Variants in PRELID3A observed in about 807,000 individuals in gnomAD.
The protein encoded by PRELID3A is PRELI domain containing 3A, also known as PRELI domain containing protein 3A.
Under a neutral mutation model 23.0 loss-of-function variants are expected in PRELID3A, and 27 were observed. That is an observed-to-expected ratio of 1.17 (90% CI 0.87 to 1.62). The LOEUF (loss-of-function observed/expected upper bound fraction) is 1.62, where lower values mean the gene tolerates loss of function less well. PRELID3A is among the 40% of genes most tolerant of loss of function. The pLI is 0.00. For synonymous variants in PRELID3A, 87 were observed against 86.4 expected (o/e 1.01, Z -0.04); for missense variants, 231 against 231.4 (o/e 1.00, Z 0.01).
intron 1 of PRELID3A, chr18:12,419,962 G>T (rs539791850): frequency 3.3e-5 from 9 of 270,514 alleles, no homozygotes; most frequent in Non-Finnish European, 5.4e-5. Context: ...GGTGGCACAC[G>T]CCTGTAGTCC....
chr18:12,420,575 C>T, intron 2 of PRELID3A, 82 bp downstream of exon 2: 2 of 1,353,574 alleles, frequency 1.5e-6, no homozygotes, highest in Non-Finnish European at 9.7e-7. Context: ...CCCTCCTCCC[C>T]TCATCAGTGC....
Position 12,429,449 on chromosome 18 carries a change from T to A in PRELID3A, c.*33+13T>A. The A allele has an allele frequency of 6.5e-7, 1 of 1,546,084 alleles. No homozygotes were observed. Among genetic ancestry groups the A allele is most frequent in the Non-Finnish European group, 8.9e-7 (1 of 1,119,214 alleles). Reference sequence around the variant, plus strand: ...GTCATAAATGGTGGTGAGTACAGTATTCACTCACCTGGGGGGGTACTTGCA... The same window carrying A: ...GTCATAAATGGTGGTGAGTACAGTAATCACTCACCTGGGGGGGTACTTGCA... On this transcript the variant is annotated intron_variant, in intron 6 of 6. Transcript: ENST00000440960.
chr18:12,417,222 G>A (rs2029989136), intron 1 of PRELID3A, among the ~76,000 whole-genome samples: 1 of 152,068 alleles, frequency 6.6e-6, no homozygotes, highest in Non-Finnish European at 1.5e-5. Context: ...TGCTCAGACT[G>A]GAGTGCAGTG....
chr18:12,421,018 C>T (rs554413014), intron 2 of PRELID3A, among the ~76,000 whole-genome samples: 3 of 152,318 alleles, frequency 2.0e-5, no homozygotes, highest in Non-Finnish European at 2.9e-5. Flanking sequence ...TGGTTCAGCC[C>T]CCCGTGGCCT....
At chr18:12,430,737 ATGTGTGTGG>A (rs1383679351) in intron 6 of PRELID3A, among the ~76,000 whole-genome samples, 1 of 126,996 alleles carries the variant, frequency 7.9e-6, no homozygotes, top group African/African-American at 3.0e-5. Flanking sequence ...TGTAATGTGT[ATGTGTGTGG>A]TGTGTGTGCA....
At chr18:12,418,767 G>C (rs575887594) in intron 1 of PRELID3A, among the ~76,000 whole-genome samples, 42 of 152,332 alleles carry the variant, frequency 2.8e-4, no homozygotes, top group African/African-American at 9.9e-4. Flanking sequence ...GTCCATGCTG[G>C]ACAGGTGTGG....
At chr18:12,419,961 C>G (rs1007354246) in intron 1 of PRELID3A, 1 of 270,410 alleles carries the variant, frequency 3.7e-6, no homozygotes, top group African/African-American at 2.2e-5. Context: ...TGGTGGCACA[C>G]GCCTGTAGTC....
At chr18:12,420,526 G>A (rs943330318) in intron 2 of PRELID3A, 33 bp downstream of exon 2, 19 of 1,480,578 alleles carry the variant, frequency 1.3e-5, no homozygotes, top group Non-Finnish European at 1.7e-5. Context: ...CTCCGAACGC[G>A]CCCGACTCCC....
intron 3 of PRELID3A, among the ~76,000 whole-genome samples, chr18:12,425,991 C>T (rs1417640768): frequency 6.6e-6 from 1 of 152,020 alleles, no homozygotes; most frequent in Non-Finnish European, 1.5e-5. Context: ...AATCCCAACA[C>T]TTTGGGAGGG....
intron 2 of PRELID3A, among the ~76,000 whole-genome samples, chr18:12,420,981 C>T (rs1308301946): frequency 6.6e-6 from 1 of 152,158 alleles, no homozygotes; most frequent in Non-Finnish European, 1.5e-5. Context: ...CAGCCGCATC[C>T]TAGGGCACCG....
chr18:12,420,791 C>T (rs2030151587), intron 2 of PRELID3A, among the ~76,000 whole-genome samples: 1 of 20,942 alleles, frequency 4.8e-5, no homozygotes, highest in East Asian at 9.6e-4. Flanking sequence ...GATCGGGGGT[C>T]ACGGGGTGGG....
chr18:12,411,408 G>C (rs978331528), intron 1 of PRELID3A, among the ~76,000 whole-genome samples: 2 of 147,232 alleles, frequency 1.4e-5, no homozygotes, highest in Non-Finnish European at 3.0e-5. Flanking sequence ...AGAACTTGCA[G>C]TGAGCCGAGA....
At chr18:12,418,138 G>A (rs2030023252) in intron 1 of PRELID3A, among the ~76,000 whole-genome samples, 2 of 152,144 alleles carry the variant, frequency 1.3e-5, no homozygotes, top group South Asian at 4.1e-4. Context: ...AAAAACTTCA[G>A]TATCCTCATA....
intron 2 of PRELID3A, chr18:12,421,329 C>G: frequency 3.5e-6 from 2 of 569,700 alleles, no homozygotes; most frequent in Non-Finnish European, 6.2e-6. Context: ...CTGCTGCACG[C>G]TCCACTCTGT....
Position 12,420,497 on chromosome 18 carries a change from A to G in PRELID3A, c.201+4A>G. The G allele has an allele frequency of 6.5e-7, 1 of 1,528,592 alleles. No homozygotes were observed. Among genetic ancestry groups the G allele is most frequent in the South Asian group, 1.2e-5 (1 of 82,114 alleles). 94.7% of individuals were successfully genotyped at this position (1,528,592 alleles called of 1,614,324 possible). ...GCTGCCCAGCCTCGTGAGAGCGGTG[A>G]GCGGGGCGGGGGCTGCGGCTCCGAA... On this transcript the variant is annotated splice_donor_region_variant and intron_variant, in intron 2 of 6. Transcript: ENST00000440960.
chr18:12,421,615 C>G lies in PRELID3A; in HGVS notation c.277C>G (p.Leu93Val). The part of the protein sequence containing the change: ...VVDPVEKKME[L>V]CSTNITLTNL... The stretch of plus-strand genomic sequence containing the variant: ...GGATCCAGTGGAAAAGAAAATGGAA[C>G]TTTGTTCTACCAATGTAAGCAATGG... Residue 93 changes from leucine (L) to valine (V), a missense_variant, in exon 3 of 7, where the codon CTT becomes GTT. Coordinates refer to ENST00000440960, the MANE Select transcript of PRELID3A (RefSeq NM_001142405.2). 6.2e-7 allele frequency: 1 copy of G among 1,611,596 alleles called. No homozygotes were observed. Among genetic ancestry groups the G allele is most frequent in the Non-Finnish European group, 8.5e-7 (1 of 1,177,838 alleles).
intron 3 of PRELID3A, among the ~76,000 whole-genome samples, chr18:12,425,092 G>A (rs1214439830): frequency 6.6e-6 from 1 of 151,506 alleles, no homozygotes; most frequent in East Asian, 1.9e-4. Flanking sequence ...GCAGTGAGCT[G>A]AGATCGCGCC....
intron 5 of PRELID3A, 142 bp downstream of exon 5, chr18:12,427,465 C>G: frequency 1.5e-6 from 1 of 656,428 alleles, no homozygotes; most frequent in Non-Finnish European, 2.6e-6. Flanking sequence ...GGGAGGCCAA[C>G]GCAGGTGGAC....
In PRELID3A at chr18:12,427,330, A is replaced by G; in HGVS notation, c.465+7A>G. 1 of 1,585,818 alleles carries G rather than the reference A, an allele frequency of 6.3e-7. No homozygotes were observed. Among genetic ancestry groups the G allele is most frequent in the South Asian group, 1.1e-5 (1 of 90,070 alleles). On this transcript the variant is annotated splice_region_variant and intron_variant, in intron 5 of 6. Transcript: ENST00000440960. ...ATCATCCAATGCAAAGAAGGTATGT[A>G]TCTCAATCCTAGGAGTCCTGTGTGT... is the stretch of plus-strand genomic sequence containing the variant.
Sources: allele counts gnomAD v4.1 joint callset (sites outside exome capture counted in the v4.1 genomes callset), GRCh38; gene constraint gnomAD v4.1.1; transcripts MANE v1.5; gene names NCBI Gene and HGNC (gene_info 2026-07-23, HGNC 2026-07-21).